INSYN2B: variants seen among roughly 807,000 people sequenced by gnomAD.
INSYN2B encodes protein INSYN2B.
In INSYN2B, 16 loss-of-function variants were observed where a neutral mutation model predicts 41.2. The ratio of observed to expected loss-of-function variants is 0.39; its 90% CI spans 0.26 to 0.59. INSYN2B has a LOEUF of 0.59. Ranked by LOEUF, INSYN2B falls within the 20% of genes least tolerant of loss-of-function variation. INSYN2B has a pLI of 0.57. For missense variants in INSYN2B, 608 were observed against 646.4 expected (o/e 0.94, Z 0.64); for synonymous variants, 245 against 244.4 (o/e 1.00, Z -0.02).
intron 1 of INSYN2B, among the ~76,000 whole-genome samples, chr5:169,974,177 G>A (rs769341893): frequency 7.9e-5 from 12 of 152,118 alleles, no homozygotes; most frequent in Non-Finnish European, 1.3e-4. Flanking sequence ...CTCTCTGTTC[G>A]TTGGTTTTCT....
chr5:169,887,116 G>A (rs934609696), intron 1 of INSYN2B, among the ~76,000 whole-genome samples: 2 of 152,098 alleles, frequency 1.3e-5, no homozygotes, highest in African/African-American at 2.4e-5. Context: ...CTCACCATTG[G>A]GCCTTCCTGC....
intron 1 of INSYN2B, among the ~76,000 whole-genome samples, chr5:169,905,423 T>G (rs1278076507): frequency 1.3e-5 from 2 of 152,204 alleles, no homozygotes; most frequent in Non-Finnish European, 2.9e-5. Context: ...AGCTGCCCCT[T>G]GGCAACCTCT....
chr5:169,939,128 T>A (rs1312507933), intron 1 of INSYN2B, among the ~76,000 whole-genome samples: 1 of 151,952 alleles, frequency 6.6e-6, no homozygotes, highest in Non-Finnish European at 1.5e-5. Context: ...ATGGTCTTGA[T>A]CTCCTGACCT....
intron 1 of INSYN2B, among the ~76,000 whole-genome samples, chr5:169,969,165 C>T (rs1247881971): frequency 6.6e-6 from 1 of 151,660 alleles, no homozygotes; most frequent in Non-Finnish European, 1.5e-5. Context: ...GAAAAAATGG[C>T]CGGGGGTGGT....
intron 1 of INSYN2B, among the ~76,000 whole-genome samples, chr5:169,945,657 C>T (rs1776418442): frequency 1.3e-5 from 2 of 152,226 alleles, no homozygotes; most frequent in South Asian, 2.1e-4. Flanking sequence ...GTGGCCTCTT[C>T]ACACGGGTAC....
chr5:169,874,625 AC>A (rs2113473001), intron 3 of INSYN2B, among the ~76,000 whole-genome samples: 2 of 151,892 alleles, frequency 1.3e-5, no homozygotes, highest in African/African-American at 4.8e-5. Flanking sequence ...TCTGCTGTTG[AC>A]CCTCTAGGGC....
At chr5:169,908,511 C>T (rs1313108288) in intron 1 of INSYN2B, among the ~76,000 whole-genome samples, 1 of 152,004 alleles carries the variant, frequency 6.6e-6, no homozygotes. Context: ...GAGAAATGAA[C>T]ACAAATAGGT....
At chr5:169,941,200 T>C (rs1034552495) in intron 1 of INSYN2B, among the ~76,000 whole-genome samples, 3 of 152,152 alleles carry the variant, frequency 2.0e-5, no homozygotes, top group African/African-American at 7.2e-5. Context: ...TTTAAATTTA[T>C]TTATTTATTG....
intron 1 of INSYN2B, among the ~76,000 whole-genome samples, chr5:169,902,111 T>C (rs1773960503): frequency 6.6e-6 from 1 of 152,140 alleles, no homozygotes; most frequent in Non-Finnish European, 1.5e-5. Flanking sequence ...TCTTGATCTG[T>C]AGGGTTAATG....
intron 1 of INSYN2B, among the ~76,000 whole-genome samples, chr5:169,936,667 G>A (rs1416585331): frequency 6.8e-6 from 1 of 146,116 alleles, no homozygotes; most frequent in East Asian, 2.0e-4. Context: ...ACAGAATCTA[G>A]CATTCCCCAG....
chr5:169,909,558 T>TGCAAAC (rs1774477955), intron 1 of INSYN2B, among the ~76,000 whole-genome samples: 2 of 152,352 alleles, frequency 1.3e-5, no homozygotes, highest in African/African-American at 4.8e-5. Context: ...AGGTGAGTAT[T>TGCAAAC]ATTATCTGCA....
chr5:169,882,431 A>G, intron 2 of INSYN2B, 122 bp downstream of exon 2: 2 of 793,280 alleles, frequency 2.5e-6, no homozygotes, highest in Admixed American at 2.9e-5. Context: ...GATTTGGAGA[A>G]ACAACAGTGC....
At chr5:169,901,407 G>C (rs991090500) in intron 1 of INSYN2B, among the ~76,000 whole-genome samples, 3 of 152,250 alleles carry the variant, frequency 2.0e-5, no homozygotes, top group African/African-American at 4.8e-5. Flanking sequence ...GACTTCAAGA[G>C]GTTTACGAAG....
chr5:169,933,113 C>T (rs1471837578), intron 1 of INSYN2B, among the ~76,000 whole-genome samples: 2 of 152,344 alleles, frequency 1.3e-5, no homozygotes, highest in East Asian at 3.9e-4. Context: ...ACTCCCGACC[C>T]TCTCACCTGA....
chr5:169,916,424 C>T (rs1774878395), intron 1 of INSYN2B, among the ~76,000 whole-genome samples: 2 of 152,152 alleles, frequency 1.3e-5, no homozygotes, highest in Non-Finnish European at 2.9e-5. Context: ...CTGAAGAAAC[C>T]TTGCCATGGG....
At position 169,893,132 on chromosome 5, in the gene INSYN2B, AG is replaced by A. The variant is rs367603715; in HGVS notation, c.-918-8317del. 4.6e-5 allele frequency among the ~76,000 whole-genome samples: 7 copies of A among 152,170 alleles called. No individual in the cohort carries two copies. The South Asian group carries it at 6.2e-4, about 14-fold the overall frequency. ...TCATTCCTTTGGCTATTCTATGTCA[AG>A]GGTGGGGAATCAGCATCTCTTGAAT... On this transcript the variant is annotated intron_variant, in intron 1 of 3. Transcript: ENST00000377365.
intron 1 of INSYN2B, among the ~76,000 whole-genome samples, chr5:169,947,003 G>T (rs761070423): frequency 3.3e-5 from 5 of 152,170 alleles, no homozygotes; most frequent in Non-Finnish European, 7.3e-5. Context: ...GGAGAGGAGC[G>T]CTGAGTATAC....
At chr5:169,921,152 G>T (rs1374254133) in intron 1 of INSYN2B, among the ~76,000 whole-genome samples, 3 of 152,160 alleles carry the variant, frequency 2.0e-5, no homozygotes, top group African/African-American at 7.2e-5. Context: ...TGCAATGTTA[G>T]CCTGGAAAAG....
chr5:169,913,184 C>T (rs190582003), intron 1 of INSYN2B, among the ~76,000 whole-genome samples: 14 of 152,266 alleles, frequency 9.2e-5, no homozygotes, highest in Admixed American at 8.5e-4. Context: ...AGTGTTCTAG[C>T]GGAGTCGGAA....
Sources: allele counts gnomAD v4.1 joint callset (sites outside exome capture counted in the v4.1 genomes callset), GRCh38; gene constraint gnomAD v4.1.1; transcripts MANE v1.5; gene names NCBI Gene and HGNC (gene_info 2026-07-23, HGNC 2026-07-21).